Variants in CLUL1 observed in about 807,000 individuals in gnomAD.
The protein encoded by CLUL1 is clusterin like 1, also known as clusterin-like protein 1.
CLUL1 carries 43 observed loss-of-function variants against 49.4 expected under a neutral mutation model. The observed-to-expected ratio is 0.87, with a 90% CI of 0.68 to 1.12. The LOEUF (loss-of-function observed/expected upper bound fraction) is 1.12, where lower values mean the gene tolerates loss of function less well. Ranked by LOEUF, CLUL1 falls within the 50% of genes most tolerant of loss-of-function variation. CLUL1 has a pLI of 0.00. For missense variants in CLUL1, 486 were observed against 544.4 expected, an observed-to-expected ratio of 0.89 and a Z score of 1.07; for synonymous variants, 192 against 184.9, an observed-to-expected ratio of 1.04 and a Z score of -0.31.
At chr18:602,367 G>A (rs564553101) in intron 1 of CLUL1, among the ~76,000 whole-genome samples, 9 of 152,102 alleles carry the variant, frequency 5.9e-5, no homozygotes, top group African/African-American at 1.7e-4. Flanking sequence ...CTCCAGGAAG[G>A]GGGGCTGGAT....
intron 9 of CLUL1, among the ~76,000 whole-genome samples, chr18:645,934 C>T (rs1214096212): frequency 7.2e-6 from 1 of 138,348 alleles, no homozygotes; most frequent in Non-Finnish European, 1.5e-5. Context: ...TTTTATGAAA[C>T]GTTAAAAATA....
intron 7 of CLUL1, among the ~76,000 whole-genome samples, chr18:633,835 TC>T (rs1382335868): frequency 8.6e-6 from 1 of 116,052 alleles, no homozygotes; most frequent in Non-Finnish European, 1.8e-5. Context: ...TCGGAATGAA[TC>T]AGGGCGGAGC....
At chr18:645,808 AAAAT>A (rs1383554648) in intron 9 of CLUL1, among the ~76,000 whole-genome samples, 35 of 56,890 alleles carry the variant, frequency 6.2e-4, no homozygotes, top group Non-Finnish European at 9.9e-4. Flanking sequence ...AAAAAAAAAA[AAAAT>A]ATATATATAT....
intron 2 of CLUL1, among the ~76,000 whole-genome samples, chr18:607,567 C>G (rs1336954469): frequency 3.9e-5 from 6 of 152,150 alleles, no homozygotes; most frequent in Non-Finnish European, 2.9e-5. Flanking sequence ...GCTGGTACTA[C>G]AGGTGCATGC....
chr18:641,480 G>T lies in CLUL1; in HGVS notation c.1148G>T (p.Gly383Val), dbSNP rs775285957. The part of the protein sequence containing the change: ...YLVEKMRGQF[G>V]WVSELANQAP... ...GTGGAGAAGATGAGAGGGCAATTTGGCTGGGTGTCTGAACTGGCAAACCAG... is the reference window on the plus strand; with the variant it reads ...GTGGAGAAGATGAGAGGGCAATTTGTCTGGGTGTCTGAACTGGCAAACCAG... Residue 383 changes from glycine to valine, a missense_variant, in exon 8 of 10, where the codon GGC becomes GTC. Physicochemically the swap from Gly to Val is moderately radical, Grantham distance 109. Coordinates refer to ENST00000692774, the MANE Select transcript of CLUL1 (RefSeq NM_001393344.1). 7 of 1,614,050 alleles carry T rather than the reference G, an allele frequency of 4.3e-6. No individual in the cohort carries two copies. In the East Asian group the frequency reaches 1.1e-4, roughly 26 times the overall value.
intron 1 of CLUL1, chr18:598,627 A>G (rs1567951791): frequency 2.5e-6 from 1 of 398,394 alleles, no homozygotes; most frequent in East Asian, 3.6e-5. Context: ...TCACAACCAA[A>G]AAAGTGGCTG....
intron 8 of CLUL1, among the ~76,000 whole-genome samples, chr18:642,528 A>G (rs927651141): frequency 2.0e-5 from 3 of 152,238 alleles, no homozygotes; most frequent in African/African-American, 7.2e-5. Flanking sequence ...CATGCAAGTG[A>G]CTTTTCTTCC....
Position 606,708 on chromosome 18 carries a change from G to C in CLUL1, c.-135-270G>C, listed in dbSNP as rs2072982246. ...TCAAATGAAAGAGATTTTATCAAAGGCTTGGAGAAGAAAAGAAAAAGAGGA... is the reference window on the plus strand; with the variant it reads ...TCAAATGAAAGAGATTTTATCAAAGCCTTGGAGAAGAAAAGAAAAAGAGGA... On this transcript the variant is annotated intron_variant, in intron 1 of 9. Transcript: ENST00000692774. The surrounding 1 kb of genome is among the most constrained non-coding windows in gnomAD (Gnocchi z 4.1). 1.3e-5 allele frequency among the ~76,000 whole-genome samples: 2 copies of C among 152,110 alleles called. No homozygotes were observed. Among genetic ancestry groups the C allele is most frequent in the African/African-American group, 4.8e-5 (2 of 41,422 alleles).
chr18:632,923 G>A (rs757337524), intron 6 of CLUL1, among the ~76,000 whole-genome samples: 5 of 152,172 alleles, frequency 3.3e-5, no homozygotes, highest in Admixed American at 1.3e-4. Context: ...GGGAGGCCGA[G>A]GCGGGTGGAT....
intron 6 of CLUL1, among the ~76,000 whole-genome samples, chr18:630,918 AG>A (rs1405910265): frequency 6.6e-6 from 1 of 151,266 alleles, no homozygotes; most frequent in African/African-American, 2.4e-5. Flanking sequence ...GACCCACTTC[AG>A]ACTTCTGACC....
chr18:637,109 C>T (rs2074164000), intron 7 of CLUL1, among the ~76,000 whole-genome samples: 1 of 151,990 alleles, frequency 6.6e-6, no homozygotes, highest in South Asian at 2.1e-4. Flanking sequence ...GCCTCAGCCT[C>T]CTGAGTAGCT....
At chr18:639,132 A>G (rs538631666) in intron 7 of CLUL1, among the ~76,000 whole-genome samples, 21 of 147,248 alleles carry the variant, frequency 1.4e-4, no homozygotes, top group South Asian at 1.3e-3. Flanking sequence ...AAACTTAAAA[A>G]CATGCTTCAT....
intron 4 of CLUL1, among the ~76,000 whole-genome samples, chr18:619,689 A>G (rs1166241866): frequency 6.6e-6 from 1 of 151,558 alleles, no homozygotes; most frequent in African/African-American, 2.4e-5. Flanking sequence ...TTACTAGATC[A>G]GTGGTCTCCA....
intron 7 of CLUL1, among the ~76,000 whole-genome samples, chr18:640,226 C>A (rs2074301664): frequency 6.6e-6 from 1 of 151,544 alleles, no homozygotes; most frequent in Non-Finnish European, 1.5e-5. Flanking sequence ...GCCTGGGCAG[C>A]ATAGTGAGAC....
Position 647,177 on chromosome 18 carries a change from C to T in CLUL1, c.1397+2080C>T, listed in dbSNP as rs565226740. 1.8e-4 allele frequency among the ~76,000 whole-genome samples: 27 copies of T among 151,592 alleles called. 1 individual carries two copies. The South Asian group carries it at 4.4e-3, about 25-fold the overall frequency. ...AAAGGGGGGATGGCATGGGCAAATA[C>T]GGCAAGAAAGAGTAGAGCATCTAGG... On this transcript the variant is annotated intron_variant, in intron 9 of 9. Coordinates refer to ENST00000692774, the MANE Select transcript of CLUL1 (RefSeq NM_001393344.1).
At chr18:625,652 A>G (rs1567965366) in intron 5 of CLUL1, among the ~76,000 whole-genome samples, 1 of 152,052 alleles carries the variant, frequency 6.6e-6, no homozygotes, top group Non-Finnish European at 1.5e-5. Flanking sequence ...CAGAGGGATC[A>G]CAGAGGGTGG....
At chr18:633,248 A>G (rs566593326) in intron 6 of CLUL1, 50 bp from the exon 7 acceptor site, 3 of 1,508,826 alleles carry the variant, frequency 2.0e-6, no homozygotes, top group Admixed American at 4.2e-5. Flanking sequence ...CCACTTCTTC[A>G]AAGTGCAAAC....
At chr18:614,351 AGAAG>A (rs1381770254) in intron 2 of CLUL1, among the ~76,000 whole-genome samples, 61 of 57,140 alleles carry the variant, frequency 1.1e-3, no homozygotes, top group East Asian at 4.1e-3. Context: ...AAGGAAGGAA[AGAAG>A]GAAGGAAGGA....
chr18:616,215 T>G (rs2073285952), intron 2 of CLUL1, among the ~76,000 whole-genome samples: 1 of 152,216 alleles, frequency 6.6e-6, no homozygotes, highest in Non-Finnish European at 1.5e-5. Context: ...AAAATACTTA[T>G]CTATTGCATT....
Sources: gnomAD v4.1 joint callset for allele counts (sites outside exome capture counted in the v4.1 genomes callset) on GRCh38, gnomAD v4.1.1 for gene constraint, Gnocchi (gnomAD v3.1) non-coding constraint, MANE v1.5 for transcripts, NCBI Gene and HGNC (gene_info 2026-07-23, HGNC 2026-07-21) for gene names.